Variants in PLD5 observed in about 807,000 individuals in gnomAD.
The protein encoded by PLD5 is inactive phospholipase D5.
PLD5 carries 36 observed loss-of-function variants against 61.1 expected under a neutral mutation model. The observed-to-expected ratio is 0.59, with a 90% CI of 0.45 to 0.78. The LOEUF (loss-of-function observed/expected upper bound fraction) is 0.78. PLD5 is among the 30% of genes least tolerant of loss of function. The pLI, the probability that PLD5 is intolerant of heterozygous loss-of-function variation, is 0.00. For synonymous variants in PLD5, 243 were observed against 242.8 expected (o/e 1.00, Z -0.01); for missense variants, 515 against 644.4 (o/e 0.80, Z 2.17).
At chr1:242,239,282 C>T (rs1353628925) in intron 4 of PLD5, among the ~76,000 whole-genome samples, 2 of 146,314 alleles carry the variant, frequency 1.4e-5, no homozygotes, top group Non-Finnish European at 1.5e-5. Context: ...TGCATGTGCT[C>T]AGGAAGAAAC....
intron 4 of PLD5, among the ~76,000 whole-genome samples, chr1:242,247,816 T>C (rs1672477136): frequency 6.6e-6 from 1 of 152,220 alleles, no homozygotes; most frequent in Non-Finnish European, 1.5e-5. Context: ...ATCCACTGTT[T>C]AATTCTAAAA....
At chr1:242,448,380 A>T (rs1374955140) in intron 1 of PLD5, among the ~76,000 whole-genome samples, 1 of 152,188 alleles carries the variant, frequency 6.6e-6, no homozygotes, top group Non-Finnish European at 1.5e-5. Flanking sequence ...TGGATTATAA[A>T]CAGAAAAATC....
At chr1:242,132,190 T>TTCGG (rs1663317112) in intron 5 of PLD5, among the ~76,000 whole-genome samples, 3 of 9,718 alleles carry the variant, frequency 3.1e-4, no homozygotes, top group African/African-American at 1.4e-3. Context: ...ATGCAGTGAT[T>TTCGG]GCGGGGGGGG....
At chr1:242,474,337 A>G (rs903099388) in intron 1 of PLD5, among the ~76,000 whole-genome samples, 45 of 152,156 alleles carry the variant, frequency 3.0e-4, no homozygotes, top group Admixed American at 2.5e-3. Flanking sequence ...TCTGTCTTCT[A>G]TGTTCAGCTG....
chr1:242,401,282 G>C (rs1663916569), intron 1 of PLD5, among the ~76,000 whole-genome samples: 1 of 152,096 alleles, frequency 6.6e-6, no homozygotes. Context: ...TGCACTGGCA[G>C]GCTCAGCCAA....
chr1:242,152,080 C>A (rs554647785), intron 5 of PLD5, among the ~76,000 whole-genome samples: 1 of 151,750 alleles, frequency 6.6e-6, no homozygotes, highest in African/African-American at 2.4e-5. Flanking sequence ...TTCAAAAGTT[C>A]AAGACTCATC....
At chr1:242,285,423 G>A (rs1266282976) in intron 3 of PLD5, among the ~76,000 whole-genome samples, 3 of 152,054 alleles carry the variant, frequency 2.0e-5, no homozygotes, top group Non-Finnish European at 2.9e-5. Flanking sequence ...GCTTGAACCC[G>A]GGAAGTAGAG....
At chr1:242,209,275 T>A (rs919064064) in intron 5 of PLD5, 2 of 152,124 alleles carry the variant, frequency 1.3e-5, no homozygotes, top group Non-Finnish European at 2.9e-5. Flanking sequence ...TGCGGTGGTG[T>A]TCTCCGTCTT....
At chr1:242,466,452 G>A (rs1667279146) in intron 1 of PLD5, among the ~76,000 whole-genome samples, 1 of 152,060 alleles carries the variant, frequency 6.6e-6, no homozygotes, top group South Asian at 2.1e-4. Context: ...AGAAAATGTG[G>A]TATATATACA....
intron 1 of PLD5, among the ~76,000 whole-genome samples, chr1:242,438,264 A>ATT (rs1237412199): frequency 5.7e-4 from 79 of 138,730 alleles, no homozygotes; most frequent in Admixed American, 9.5e-4. Flanking sequence ...AGAAAAAAAA[A>ATT]TTTTTTTTTT....
At chr1:242,425,470 C>T (rs1037717699) in intron 1 of PLD5, among the ~76,000 whole-genome samples, 11 of 152,092 alleles carry the variant, frequency 7.2e-5, no homozygotes, top group East Asian at 3.9e-4. Flanking sequence ...CTTGCAGGAC[C>T]GGAAGTTGCT....
intron 1 of PLD5, among the ~76,000 whole-genome samples, chr1:242,440,964 C>T (rs1034842064): frequency 1.3e-5 from 2 of 152,100 alleles, no homozygotes; most frequent in Admixed American, 6.5e-5. Context: ...GCCCATTCAG[C>T]ATTATTATAA....
intron 1 of PLD5, among the ~76,000 whole-genome samples, chr1:242,408,271 A>C (rs1005269084): frequency 2.0e-5 from 3 of 152,246 alleles, no homozygotes; most frequent in African/African-American, 4.8e-5. Context: ...GCAGTCAACA[A>C]GATTTTCCTG....
chr1:242,485,080 A>T (rs1418551243), intron 1 of PLD5, among the ~76,000 whole-genome samples: 1 of 152,166 alleles, frequency 6.6e-6, no homozygotes, highest in Admixed American at 6.5e-5. Flanking sequence ...AGAGCTATTT[A>T]TGACAAACCC....
At chr1:242,319,903 C>A (rs1387679476) in intron 2 of PLD5, among the ~76,000 whole-genome samples, 2 of 152,222 alleles carry the variant, frequency 1.3e-5, no homozygotes, top group Non-Finnish European at 2.9e-5. Flanking sequence ...AAGGATGCAA[C>A]CTCTTGCCAC....
chr1:242,304,905 A>G (rs536356848), intron 2 of PLD5, among the ~76,000 whole-genome samples: 29 of 152,228 alleles, frequency 1.9e-4, no homozygotes, highest in Non-Finnish European at 3.8e-4. Flanking sequence ...GCAGTTCAAG[A>G]CCAGCCTGGG....
chr1:242,453,141 G>C (rs1240299097), intron 1 of PLD5, among the ~76,000 whole-genome samples: 9 of 152,212 alleles, frequency 5.9e-5, no homozygotes, highest in Non-Finnish European at 1.5e-5. Flanking sequence ...AAGATCAAGA[G>C]AGAGGAGCCC....
intron 5 of PLD5, among the ~76,000 whole-genome samples, chr1:242,144,805 A>AATGGAAAG (rs1664433355): frequency 6.6e-6 from 1 of 151,928 alleles, no homozygotes; most frequent in African/African-American, 2.4e-5. Context: ...AAATAAAGAG[A>AATGGAAAG]ATGGAAAGAG....
In PLD5 at chr1:242,220,097, A is replaced by C; in HGVS notation, c.626T>G (p.Met209Arg). The C allele has an allele frequency of 6.2e-7, 1 of 1,614,148 alleles. No individual in the cohort carries two copies. Among genetic ancestry groups the C allele is most frequent in the Non-Finnish European group, 8.5e-7 (1 of 1,179,996 alleles). The change falls in exon 5 of 10, where the codon ATG becomes AGG. Residue 209 changes from methionine (M) to arginine (R), a missense_variant. By Grantham distance (91) the Met-to-Arg change is moderately conservative. This residue lies in a region of PLD5 where 450 missense variants were observed against 598.1 expected (regional missense o/e 0.75). Coordinates refer to ENST00000536534, the MANE Select transcript of PLD5 (RefSeq NM_001372062.1). ...LKLKGAEVTY[M>R]NMTAYNKGRL... Reference sequence around the variant, plus strand: ...GCCCTTGTTGTAAGCGGTCATGTTCATGTACGTCACCTCGGCTCCTAGGAG... The same window carrying C: ...GCCCTTGTTGTAAGCGGTCATGTTCCTGTACGTCACCTCGGCTCCTAGGAG...
Sources: allele counts gnomAD v4.1 joint callset (sites outside exome capture counted in the v4.1 genomes callset), GRCh38; gene constraint gnomAD v4.1.1; regional missense constraint gnomAD v4.1.1; transcripts MANE v1.5; gene names NCBI Gene and HGNC (gene_info 2026-07-23, HGNC 2026-07-21).